The following CNTNAP2 variants were observed in gnomAD, a reference collection of about 807,000 sequenced individuals.
The protein encoded by CNTNAP2 is contactin-associated protein-like 2.
CNTNAP2 carries 98 observed loss-of-function variants against 155.2 expected under a neutral mutation model. The ratio of observed to expected loss-of-function variants is 0.63; its 90% CI spans 0.54 to 0.75. CNTNAP2 has a LOEUF of 0.75. Among genes scored for constraint, CNTNAP2 ranks in the 30% least tolerant of loss-of-function variants. The pLI, the probability that CNTNAP2 is intolerant of heterozygous loss-of-function variation, is 0.00. For synonymous variants in CNTNAP2, 651 were observed against 631.2 expected, an observed-to-expected ratio of 1.03 and a Z score of -0.47; for missense variants, 1,727 against 1,688.1, an observed-to-expected ratio of 1.02 and a Z score of -0.40.
At chr7:147,076,316 A>T (rs1025799764) in intron 4 of CNTNAP2, among the ~76,000 whole-genome samples, 5 of 152,052 alleles carry the variant, frequency 3.3e-5, no homozygotes, top group Admixed American at 6.6e-5. Flanking sequence ...TTGTTAATGA[A>T]CACCATTCTA....
At chr7:147,668,057 T>A (rs1022917891) in intron 13 of CNTNAP2, among the ~76,000 whole-genome samples, 2 of 152,124 alleles carry the variant, frequency 1.3e-5, no homozygotes, top group African/African-American at 4.8e-5. Flanking sequence ...TGGGTGTGGA[T>A]GAGGATGACA....
chr7:147,720,883 C>T (rs184038723), intron 13 of CNTNAP2, among the ~76,000 whole-genome samples: 1 of 152,130 alleles, frequency 6.6e-6, no homozygotes, highest in African/African-American at 2.4e-5. Context: ...GTATCAAGGT[C>T]TTTATGGTTT....
intron 21 of CNTNAP2, among the ~76,000 whole-genome samples, chr7:148,369,037 A>G (rs1431259735): frequency 6.6e-6 from 1 of 152,076 alleles, no homozygotes; most frequent in Non-Finnish European, 1.5e-5. Flanking sequence ...ACAATATGAG[A>G]GGGTCTGTCT....
At chr7:146,567,299 CT>C (rs1048293743) in intron 1 of CNTNAP2, among the ~76,000 whole-genome samples, 41 of 152,110 alleles carry the variant, frequency 2.7e-4, no homozygotes, top group African/African-American at 7.9e-4. Context: ...TATGTTGTCC[CT>C]TTTTTTAATC....
At chr7:148,341,608 C>G (rs1387953028) in intron 21 of CNTNAP2, among the ~76,000 whole-genome samples, 1 of 152,120 alleles carries the variant, frequency 6.6e-6, no homozygotes, top group Non-Finnish European at 1.5e-5. Flanking sequence ...AGGTGGGGAG[C>G]AGAAGCCAGG....
intron 1 of CNTNAP2, among the ~76,000 whole-genome samples, chr7:146,233,482 T>C (rs961264111): frequency 3.3e-5 from 5 of 151,928 alleles, no homozygotes; most frequent in Admixed American, 1.3e-4. Context: ...TTTATTATTA[T>C]ACTTTAAGTT....
chr7:146,327,215 G>T (rs1409410651), intron 1 of CNTNAP2, among the ~76,000 whole-genome samples: 1 of 152,128 alleles, frequency 6.6e-6, no homozygotes, highest in Non-Finnish European at 1.5e-5. Context: ...ATTTCATTCA[G>T]TGGAGCTTAC....
intron 18 of CNTNAP2, among the ~76,000 whole-genome samples, chr7:148,215,611 C>T (rs1795623015): frequency 1.3e-5 from 2 of 151,980 alleles, no homozygotes; most frequent in South Asian, 2.1e-4. Context: ...ACATGTCACC[C>T]TCAATATACA....
At chr7:147,407,812 G>T (rs540942709) in intron 10 of CNTNAP2, among the ~76,000 whole-genome samples, 41 of 152,270 alleles carry the variant, frequency 2.7e-4, no homozygotes, top group Non-Finnish European at 5.1e-4. Context: ...AATGAAAACC[G>T]CATAAAAGAA....
chr7:147,290,556 G>A (rs1483456999), intron 8 of CNTNAP2, among the ~76,000 whole-genome samples: 2 of 151,834 alleles, frequency 1.3e-5, no homozygotes, highest in Admixed American at 1.3e-4. Flanking sequence ...GGTGGCTTGT[G>A]CCTGTAATCC....
At chr7:147,037,728 GTT>G (rs1799183347) in intron 3 of CNTNAP2, among the ~76,000 whole-genome samples, 1 of 152,034 alleles carries the variant, frequency 6.6e-6, no homozygotes, top group African/African-American at 2.4e-5. Flanking sequence ...CAATTTTAGA[GTT>G]TTCTTTGAGG....
At chr7:148,220,678 T>C (rs940381599) in intron 19 of CNTNAP2, among the ~76,000 whole-genome samples, 3 of 151,458 alleles carry the variant, frequency 2.0e-5, no homozygotes, top group African/African-American at 7.3e-5. Flanking sequence ...TTTGGTTGGA[T>C]TGTGGATGAT....
intron 13 of CNTNAP2, among the ~76,000 whole-genome samples, chr7:147,884,482 T>C (rs1212948391): frequency 7.8e-6 from 1 of 127,956 alleles, no homozygotes; most frequent in African/African-American, 3.4e-5. Flanking sequence ...ACTGATATCA[T>C]TTGCCTCGCC....
At chr7:146,797,800 A>G (rs920947544) in intron 2 of CNTNAP2, among the ~76,000 whole-genome samples, 2 of 152,198 alleles carry the variant, frequency 1.3e-5, no homozygotes, top group Non-Finnish European at 2.9e-5. Context: ...TTGTTTGTTC[A>G]TTACCATTTA....
intron 11 of CNTNAP2, among the ~76,000 whole-genome samples, chr7:147,535,213 T>C (rs1799517883): frequency 6.6e-6 from 1 of 152,038 alleles, no homozygotes; most frequent in African/African-American, 2.4e-5. Flanking sequence ...GACAACATGG[T>C]GAAACCCCGT....
At chr7:148,357,900 G>A (rs1049698089) in intron 21 of CNTNAP2, among the ~76,000 whole-genome samples, 2 of 152,288 alleles carry the variant, frequency 1.3e-5, no homozygotes, top group Middle Eastern at 3.4e-3. Context: ...ACAAAGTTGT[G>A]TAACTAGGAA....
chr7:146,785,420 T>A (rs1260217481), intron 2 of CNTNAP2, among the ~76,000 whole-genome samples: 1 of 152,262 alleles, frequency 6.6e-6, no homozygotes, highest in South Asian at 2.1e-4. Context: ...TTTCATGCTG[T>A]ACTTATGCAG....
intron 8 of CNTNAP2, among the ~76,000 whole-genome samples, chr7:147,240,912 G>T (rs1803922941): frequency 6.6e-6 from 1 of 152,116 alleles, no homozygotes; most frequent in East Asian, 1.9e-4. Flanking sequence ...GAGCCTTTTG[G>T]ATTCATTTAT....
intron 15 of CNTNAP2, among the ~76,000 whole-genome samples, chr7:148,051,956 G>T (rs10272377): frequency 6.6e-6 from 1 of 152,028 alleles, no homozygotes; most frequent in Admixed American, 6.6e-5. Context: ...TGGCTAACAC[G>T]GTGAAACCCT....
Sources: allele counts gnomAD v4.1 joint callset (sites outside exome capture counted in the v4.1 genomes callset), GRCh38; gene constraint gnomAD v4.1.1; transcripts MANE v1.5; gene names NCBI Gene and HGNC (gene_info 2026-07-23, HGNC 2026-07-21).